The following ZMYND8 variants were observed in gnomAD, a reference collection of about 807,000 sequenced individuals.
ZMYND8 encodes the protein MYND-type zinc finger-containing chromatin reader ZMYND8.
Under a neutral mutation model 140.8 loss-of-function variants are expected in ZMYND8, and 37 were observed. The observed-to-expected ratio is 0.26, with a 90% CI of 0.20 to 0.35. The LOEUF (loss-of-function observed/expected upper bound fraction) is 0.35. Among genes scored for constraint, ZMYND8 ranks in the 10% least tolerant of loss-of-function variants. ZMYND8 has a pLI of 1.00. For missense variants in ZMYND8, 1,068 were observed against 1,570.0 expected (o/e 0.68, Z 5.40); for synonymous variants, 592 against 597.1 (o/e 0.99, Z 0.12).
At chr20:47,354,264 C>A (rs565381745) in intron 1 of ZMYND8, 1 of 152,252 alleles carries the variant, frequency 6.6e-6, no homozygotes, top group East Asian at 1.9e-4. Context: ...CATTTTAATG[C>A]AAGCTTTTAG....
intron 2 of ZMYND8, among the ~76,000 whole-genome samples, chr20:47,340,496 TA>T (rs879568682): frequency 3.0e-3 from 418 of 138,380 alleles, no homozygotes; most frequent in Admixed American, 3.1e-3. Flanking sequence ...TTCCATGTCT[TA>T]AAAAAAAAAA....
chr20:47,224,178 A>C, intron 19 of ZMYND8, 139 bp downstream of exon 19: 3 of 1,365,496 alleles, frequency 2.2e-6, no homozygotes, highest in Non-Finnish European at 3.0e-6. Context: ...TGTGTAAGAC[A>C]CAATTGTTTT....
At chr20:47,311,534 C>T (rs898760761) in intron 2 of ZMYND8, among the ~76,000 whole-genome samples, 1 of 152,184 alleles carries the variant, frequency 6.6e-6, no homozygotes, top group Non-Finnish European at 1.5e-5. Flanking sequence ...GCCCACAGTG[C>T]TGCAATGCAG....
intron 2 of ZMYND8, among the ~76,000 whole-genome samples, chr20:47,338,087 T>A (rs2081529233): frequency 6.6e-6 from 1 of 152,010 alleles, no homozygotes; most frequent in South Asian, 2.1e-4. Context: ...CGTTGCCAGG[T>A]TCATAAGATG....
At chr20:47,261,582 TCA>T (rs776335043) in intron 12 of ZMYND8, among the ~76,000 whole-genome samples, 35,442 of 142,514 alleles carry the variant, frequency 0.25, 4,530 homozygotes, top group Non-Finnish European at 0.31. Flanking sequence ...ATCATCATCA[TCA>T]TCATCATCAT....
At chr20:47,282,702 C>A (rs1177889364) in intron 9 of ZMYND8, among the ~76,000 whole-genome samples, 2 of 144,454 alleles carry the variant, frequency 1.4e-5, no homozygotes, top group African/African-American at 2.6e-5. Flanking sequence ...CCAGCCAGGG[C>A]GACAGATCGA....
At chr20:47,228,483 AACCTGT>A (rs1433422896) in intron 17 of ZMYND8, among the ~76,000 whole-genome samples, 1 of 152,220 alleles carries the variant, frequency 6.6e-6, no homozygotes, top group Non-Finnish European at 1.5e-5. Flanking sequence ...AGATATTATG[AACCTGT>A]ATTTTCAACC....
intron 14 of ZMYND8, among the ~76,000 whole-genome samples, chr20:47,245,063 C>G (rs548001704): frequency 6.6e-6 from 1 of 151,970 alleles, no homozygotes; most frequent in African/African-American, 2.4e-5. Context: ...GTCCGCCCCC[C>G]CTCCCCAAAA....
chr20:47,258,726 C>G (rs1461621724), intron 12 of ZMYND8, among the ~76,000 whole-genome samples: 3 of 152,164 alleles, frequency 2.0e-5, no homozygotes, highest in Non-Finnish European at 4.4e-5. Flanking sequence ...CCACGGCTGA[C>G]AGACAGAATC....
intron 10 of ZMYND8, among the ~76,000 whole-genome samples, chr20:47,278,750 T>C (rs2076411276): frequency 6.6e-6 from 1 of 152,022 alleles, no homozygotes; most frequent in Non-Finnish European, 1.5e-5. Context: ...TGAAGAACCA[T>C]ATCTCCACCA....
intron 14 of ZMYND8, among the ~76,000 whole-genome samples, chr20:47,242,608 C>T (rs866289272): frequency 6.6e-6 from 1 of 152,180 alleles, no homozygotes. Flanking sequence ...TAAGGGCAAC[C>T]GCAAAATGGT....
intron 21 of ZMYND8, among the ~76,000 whole-genome samples, chr20:47,216,786 G>A (rs1306273684): frequency 8.6e-5 from 13 of 152,024 alleles, no homozygotes; most frequent in African/African-American, 1.4e-4. Context: ...CAGCCTGGGC[G>A]ACAGAGCAAA....
chr20:47,308,344 G>A (rs111330216), intron 3 of ZMYND8, among the ~76,000 whole-genome samples: 6 of 150,284 alleles, frequency 4.0e-5, no homozygotes, highest in African/African-American at 1.5e-4. Flanking sequence ...TCAGCCTCCC[G>A]AGTAGCTGGG....
At chr20:47,313,878 A>T (rs2079162671) in intron 2 of ZMYND8, among the ~76,000 whole-genome samples, 1 of 151,986 alleles carries the variant, frequency 6.6e-6, no homozygotes, top group Non-Finnish European at 1.5e-5. Flanking sequence ...GGTTGCAGTG[A>T]GCTGAGATCG....
chr20:47,344,488 A>T (rs2082177089), intron 2 of ZMYND8, among the ~76,000 whole-genome samples: 3 of 152,302 alleles, frequency 2.0e-5, no homozygotes, highest in Admixed American at 2.0e-4. Context: ...TTCCACAAAA[A>T]CAAGAAAAGT....
intron 12 of ZMYND8, among the ~76,000 whole-genome samples, chr20:47,253,554 AC>A (rs1391135964): frequency 4.8e-5 from 7 of 144,528 alleles, no homozygotes; most frequent in Middle Eastern, 3.5e-3. Flanking sequence ...AAAAAAAAAA[AC>A]CACACCAACA....
intron 1 of ZMYND8, chr20:47,350,060 T>G (rs898467750): frequency 7.1e-7 from 1 of 1,418,026 alleles, no homozygotes; most frequent in African/African-American, 1.5e-5. Flanking sequence ...TAATCAATGC[T>G]GGAGCAGAAG....
At chr20:47,262,236 C>T (rs924438451) in intron 12 of ZMYND8, 52 bp downstream of exon 12, 1 of 1,612,694 alleles carries the variant, frequency 6.2e-7, no homozygotes, top group Admixed American at 1.7e-5. Context: ...ACGTCATTTG[C>T]AAAAATATCC....
chr20:47,295,340 C>T (rs923591327), intron 4 of ZMYND8, among the ~76,000 whole-genome samples: 3 of 152,200 alleles, frequency 2.0e-5, no homozygotes, highest in Non-Finnish European at 4.4e-5. Flanking sequence ...CTGCAGTGAA[C>T]CATGATTGTG....
Sources: allele counts gnomAD v4.1 joint callset (sites outside exome capture counted in the v4.1 genomes callset), GRCh38; gene constraint gnomAD v4.1.1; transcripts MANE v1.5; gene names NCBI Gene and HGNC (gene_info 2026-07-23, HGNC 2026-07-21).